Variants in EML1 observed in about 807,000 individuals in gnomAD.
EML1 encodes the protein EMAP like 1, also known as echinoderm microtubule-associated protein-like 1.
Under a neutral mutation model 110.4 loss-of-function variants are expected in EML1, and 27 were observed. The observed-to-expected ratio is 0.24, with a 90% CI of 0.18 to 0.34. The LOEUF is 0.34. EML1 is among the 10% of genes least tolerant of loss of function. The probability of loss-of-function intolerance (pLI) is 1.00; values close to 1 mark genes in which losing one functional copy is unlikely to be tolerated. For missense variants in EML1, 741 were observed against 1,030.9 expected, an observed-to-expected ratio of 0.72 and a Z score of 3.85; for synonymous variants, 344 against 385.8, an observed-to-expected ratio of 0.89 and a Z score of 1.27.
intron 20 of EML1, among the ~76,000 whole-genome samples, chr14:99,938,943 C>T (rs2140141189): frequency 6.6e-6 from 1 of 152,344 alleles, no homozygotes; most frequent in East Asian, 1.9e-4. Flanking sequence ...AAAGACCTGG[C>T]AGCCCGGAAA....
chr14:99,794,321 G>T (rs2057729039), intron 1 of EML1, among the ~76,000 whole-genome samples: 1 of 149,858 alleles, frequency 6.7e-6, no homozygotes, highest in South Asian at 2.1e-4. Context: ...GATAATTCAC[G>T]CACAAAAGTT....
intron 7 of EML1, among the ~76,000 whole-genome samples, chr14:99,897,614 G>A (rs533778577): frequency 6.6e-6 from 1 of 152,106 alleles, no homozygotes; most frequent in South Asian, 2.1e-4. Context: ...CCTCACCAAC[G>A]CATGAGCTTC....
chr14:99,824,244 G>T (rs1263622759), intron 1 of EML1, among the ~76,000 whole-genome samples: 1 of 152,230 alleles, frequency 6.6e-6, no homozygotes, highest in Non-Finnish European at 1.5e-5. Flanking sequence ...ACAGGCGTGA[G>T]CCACCACGCC....
intron 2 of EML1, among the ~76,000 whole-genome samples, chr14:99,863,407 G>A (rs1223319577): frequency 1.3e-5 from 2 of 152,160 alleles, no homozygotes; most frequent in African/African-American, 4.8e-5. Context: ...TCTTGGTGCT[G>A]TAAGGGTCTC....
chr14:99,843,909 G>A (rs1003690375), intron 1 of EML1, among the ~76,000 whole-genome samples: 1 of 152,146 alleles, frequency 6.6e-6, no homozygotes, highest in African/African-American at 2.4e-5. Flanking sequence ...TTACTCCTCA[G>A]AGGGAAGACA....
At chr14:99,846,049 CA>C (rs540638774) in intron 1 of EML1, among the ~76,000 whole-genome samples, 150 of 53,222 alleles carry the variant, frequency 2.8e-3, no homozygotes, top group East Asian at 3.8e-3. Context: ...GACTCTGTCT[CA>C]AAAAAAAAAA....
chr14:99,749,769 T>A (rs980115772), intron 1 of EML1, among the ~76,000 whole-genome samples: 2 of 152,232 alleles, frequency 1.3e-5, no homozygotes, highest in Admixed American at 1.3e-4. Flanking sequence ...TCTGCTGTTC[T>A]GCGGCAGGCC....
chr14:99,897,860 C>T (rs999306691), intron 7 of EML1, among the ~76,000 whole-genome samples: 2 of 152,084 alleles, frequency 1.3e-5, no homozygotes, highest in African/African-American at 2.4e-5. Flanking sequence ...TGTATTTGTC[C>T]TGGTTCCTTG....
At chr14:99,809,217 G>T (rs191532319) in intron 1 of EML1, among the ~76,000 whole-genome samples, 3 of 152,042 alleles carry the variant, frequency 2.0e-5, no homozygotes, top group Non-Finnish European at 4.4e-5. Context: ...AAGAAACCCC[G>T]ACATTCTGTA....
At chr14:99,880,182 G>A (rs949163810) in intron 4 of EML1, among the ~76,000 whole-genome samples, 10 of 152,188 alleles carry the variant, frequency 6.6e-5, no homozygotes, top group African/African-American at 1.9e-4. Flanking sequence ...GAACCCAGGC[G>A]TGGTTGAGGC....
Position 99,746,449 on chromosome 14 carries a change from G to A in EML1, c.28+8589G>A, listed in dbSNP as rs565018881. Among the ~76,000 whole-genome samples the A allele has an allele frequency of 2.2e-4, 33 of 152,280 alleles. No individual in the cohort carries two copies. The South Asian group carries it at 2.7e-3, about 12-fold the overall frequency. On this transcript the variant is annotated intron_variant, in intron 1 of 10. Transcript: ENST00000554479. ...TTGGCCCTGAGCCCAGCTATGTGGC[G>A]GAAGCACTAGCTTCAGGCAAGCCCT...
intron 5 of EML1, among the ~76,000 whole-genome samples, chr14:99,892,622 G>C (rs577300075): frequency 2.0e-5 from 3 of 152,174 alleles, no homozygotes; most frequent in Non-Finnish European, 4.4e-5. Flanking sequence ...GATGTAGCCT[G>C]TCTGAATCAC....
rs74883415 is a variant in EML1 at position 99,876,518 on chromosome 14, C to T, written c.384-1967C>T. The stretch of plus-strand genomic sequence containing the variant: ...TCTGACTCCTGTGGTAGCTTCTCAG[C>T]CCACGTCTTTAAACATTAGTTTCCC... On this transcript the variant is annotated intron_variant, in intron 3 of 21. Transcript: ENST00000262233. Among the ~76,000 whole-genome samples, 933 of 152,312 alleles carry T rather than the reference C, an allele frequency of 6.1e-3. 10 individuals carry two copies. The highest frequency in any genetic ancestry group is 0.021 in the African/African-American group (888 of 41,574).
chr14:99,840,904 A>C (rs1443921441), intron 1 of EML1, among the ~76,000 whole-genome samples: 1 of 152,214 alleles, frequency 6.6e-6, no homozygotes, highest in Admixed American at 6.5e-5. Flanking sequence ...TTAAACTTCA[A>C]AGTCAGATCT....
chr14:99,891,220 C>T lies in EML1; in HGVS notation c.540C>T (p.Phe180=). The change falls in exon 5 of 22, where the codon TTC becomes TTT. Residue 180 remains phenylalanine, a synonymous_variant. Transcript: ENST00000262233. The stretch of plus-strand genomic sequence containing the variant: ...ACAGCAAACCCAAGGAGCCTGTATT[C>T]AGTGCAGGTAAGTCTGATTTAATTT... ...NSESKPKEPV[F]SAEEGYVKMF... 1 of 1,614,158 alleles carries T rather than the reference C, an allele frequency of 6.2e-7. No individual in the cohort carries two copies. Among genetic ancestry groups the T allele is most frequent in the Non-Finnish European group, 8.5e-7 (1 of 1,180,014 alleles).
chr14:99,864,960 A>G (rs567426801), intron 2 of EML1, among the ~76,000 whole-genome samples: 1 of 152,186 alleles, frequency 6.6e-6, no homozygotes, highest in African/African-American at 2.4e-5. Flanking sequence ...TTTGGCACCA[A>G]GGAAATTGTG....
At chr14:99,804,356 T>C (rs1286097436) in intron 1 of EML1, among the ~76,000 whole-genome samples, 2 of 152,112 alleles carry the variant, frequency 1.3e-5, no homozygotes, top group Non-Finnish European at 2.9e-5. Flanking sequence ...CTTTAAAGAG[T>C]GCTCACCAAG....
rs143905810 is a variant in EML1 at position 99,831,589 on chromosome 14, A to G, written c.68-19264A>G. 1.4e-3 allele frequency among the ~76,000 whole-genome samples: 207 copies of G among 152,320 alleles called. 1 individual carries two copies. Among genetic ancestry groups the G allele is most frequent in the African/African-American group, 4.8e-3 (198 of 41,576 alleles). ...TGTGCTGGCTGCTGAAATATGTGGT[A>G]TACTGGCCTGGAATACAACTATTTT... On this transcript the variant is annotated intron_variant, in intron 1 of 21. Transcript: ENST00000262233.
rs542385708 is a variant in EML1 at position 99,810,925 on chromosome 14, G to T, written c.67+17382G>T. On this transcript the variant is annotated intron_variant, in intron 1 of 21. Transcript: ENST00000262233. Reference sequence around the variant, plus strand: ...ATACATATACATGTATCAAAGCATTGCATTGTACCCCCTAAATATATACAA... The same window carrying T: ...ATACATATACATGTATCAAAGCATTTCATTGTACCCCCTAAATATATACAA... 4.2e-3 allele frequency among the ~76,000 whole-genome samples: 633 copies of T among 152,170 alleles called. 8 individuals carry two copies. The highest frequency in any genetic ancestry group is 0.014 in the African/African-American group (601 of 41,510).
Sources: gnomAD v4.1 joint callset for allele counts (sites outside exome capture counted in the v4.1 genomes callset) on GRCh38, gnomAD v4.1.1 for gene constraint, MANE v1.5 for transcripts, NCBI Gene and HGNC (gene_info 2026-07-23, HGNC 2026-07-21) for gene names.